EFCAB13: variants seen among roughly 807,000 people sequenced by gnomAD.
The protein encoded by EFCAB13 is EF-hand calcium binding domain 13.
In EFCAB13, 91 loss-of-function variants were observed where a neutral mutation model predicts 110.2. That is an observed-to-expected ratio of 0.83 (90% confidence interval 0.70 to 0.98). The LOEUF (loss-of-function observed/expected upper bound fraction) is 0.98, where lower values mean the gene tolerates loss of function less well. Among genes scored for constraint, EFCAB13 ranks in the 50% least tolerant of loss-of-function variants. EFCAB13 has a pLI of 0.00. For synonymous variants in EFCAB13, 323 were observed against 369.9 expected (o/e 0.87, Z 1.45); for missense variants, 968 against 1,119.4 (o/e 0.86, Z 1.93).
chr17:47,417,073 C>T (rs143016892), intron 23 of EFCAB13, among the ~76,000 whole-genome samples: 23 of 152,258 alleles, frequency 1.5e-4, no homozygotes, highest in South Asian at 1.5e-3. Context: ...CATATCTTTA[C>T]GGCATATTTA....
intron 22 of EFCAB13, among the ~76,000 whole-genome samples, chr17:47,413,296 T>C (rs1356049358): frequency 1.3e-5 from 2 of 152,132 alleles, no homozygotes; most frequent in East Asian, 3.8e-4. Flanking sequence ...AAATAAAATG[T>C]GGGAGGGCTC....
intron 23 of EFCAB13, among the ~76,000 whole-genome samples, chr17:47,425,003 C>T (rs983981057): frequency 2.7e-5 from 4 of 145,590 alleles, no homozygotes; most frequent in Non-Finnish European, 6.0e-5. Context: ...CTGCCTCAGC[C>T]TCCCGAGTAG....
intron 23 of EFCAB13, among the ~76,000 whole-genome samples, chr17:47,423,821 C>G (rs1310109415): frequency 6.6e-6 from 1 of 152,082 alleles, no homozygotes; most frequent in African/African-American, 2.4e-5. Context: ...GCACCTTACC[C>G]TCCTGCTGAG....
chr17:47,423,029 G>C (rs1904774374), intron 23 of EFCAB13, among the ~76,000 whole-genome samples: 2 of 152,176 alleles, frequency 1.3e-5, no homozygotes, highest in Admixed American at 6.5e-5. Context: ...AGCACGGAAA[G>C]GATGGCCTTT....
chr17:47,383,275 CTCTT>C (rs1324953094), intron 14 of EFCAB13, among the ~76,000 whole-genome samples: 2 of 152,062 alleles, frequency 1.3e-5, no homozygotes, highest in Non-Finnish European at 2.9e-5. Flanking sequence ...ATGTCTCTAT[CTCTT>C]TCTGTTTTTC....
chr17:47,419,465 C>T (rs1266323124), intron 23 of EFCAB13, among the ~76,000 whole-genome samples: 2 of 152,084 alleles, frequency 1.3e-5, no homozygotes, highest in African/African-American at 4.8e-5. Context: ...TGACTGTAGT[C>T]CCAGCTACTC....
intron 16 of EFCAB13, among the ~76,000 whole-genome samples, chr17:47,394,665 G>A (rs1257149065): frequency 6.6e-6 from 1 of 152,048 alleles, no homozygotes; most frequent in Admixed American, 6.5e-5. Flanking sequence ...TAAAAATTGG[G>A]GCTGAAAGTA....
At chr17:47,396,460 T>G (rs868753980) in intron 17 of EFCAB13, among the ~76,000 whole-genome samples, 15 of 152,094 alleles carry the variant, frequency 9.9e-5, no homozygotes, top group African/African-American at 7.2e-5. Flanking sequence ...AAAAAAGTAT[T>G]GTATAACAAA....
chr17:47,358,584 C>T (rs2065493541), intron 9 of EFCAB13, among the ~76,000 whole-genome samples: 1 of 152,102 alleles, frequency 6.6e-6, no homozygotes, highest in Non-Finnish European at 1.5e-5. Context: ...ATGTATGTTA[C>T]AAATGTTTTC....
intron 11 of EFCAB13, among the ~76,000 whole-genome samples, chr17:47,373,884 T>C (rs2065599089): frequency 6.6e-6 from 1 of 152,164 alleles, no homozygotes; most frequent in Non-Finnish European, 1.5e-5. Context: ...TCAAATATTA[T>C]AACATTTGAA....
At chr17:47,347,778 C>T (rs3851808) in intron 8 of EFCAB13, 30 bp from the exon 9 acceptor site, 836,802 of 1,349,674 alleles carry the variant, frequency 0.62, 261,235 homozygotes, top group African/African-American at 0.73. Flanking sequence ...TTTTGATTAA[C>T]TAACTAAATG....
At chr17:47,397,220 G>A (rs1372115223) in intron 17 of EFCAB13, among the ~76,000 whole-genome samples, 1 of 152,184 alleles carries the variant, frequency 6.6e-6, no homozygotes, top group African/African-American at 2.4e-5. Flanking sequence ...CGCTGTGTTG[G>A]CCGGGCTGGT....
intron 23 of EFCAB13, among the ~76,000 whole-genome samples, chr17:47,416,423 TTCTC>T (rs1225405907): frequency 9.9e-5 from 15 of 152,204 alleles, no homozygotes; most frequent in Admixed American, 2.0e-4. Flanking sequence ...TATGCTTTCT[TTCTC>T]TTTTTTTCAA....
chr17:47,399,590 G>A (rs1263146054), intron 17 of EFCAB13, among the ~76,000 whole-genome samples: 2 of 151,444 alleles, frequency 1.3e-5, no homozygotes, highest in African/African-American at 4.9e-5. Context: ...ATATAAGAAA[G>A]AACTTAAAAT....
At chr17:47,361,862 C>T (rs1318447496) in intron 10 of EFCAB13, among the ~76,000 whole-genome samples, 1 of 152,084 alleles carries the variant, frequency 6.6e-6, no homozygotes, top group African/African-American at 2.4e-5. Flanking sequence ...AGTTAGAAGA[C>T]CTAAATTTCT....
At position 47,335,307 on chromosome 17, in the gene EFCAB13, A is replaced by G. The variant is rs1346787588; in HGVS notation, c.142A>G (p.Lys48Glu). ...CATCAAGTTTTCTAAAACAATAGAGAAGGAAATTTCACCGGAAATTAGGAG... is the reference window on the plus strand; with the variant it reads ...CATCAAGTTTTCTAAAACAATAGAGGAGGAAATTTCACCGGAAATTAGGAG... Reference protein sequence around the residue: ...KYIKFSKTIEKEISPEIRSLS... With the variant: ...KYIKFSKTIEEEISPEIRSLS... Residue 48 changes from lysine (K) to glutamate (E), a missense_variant, in exon 5 of 25, where the codon AAG (lysine) becomes GAG (glutamate). Lys to Glu is a moderately conservative substitution (Grantham distance 56). Transcript: ENST00000331493. 1.9e-6 allele frequency: 3 copies of G among 1,607,444 alleles called. No individual in the cohort carries two copies. The highest frequency in any genetic ancestry group is 2.5e-6 in the Non-Finnish European group (3 of 1,178,204).
At chr17:47,387,671 T>C (rs2065684127) in intron 14 of EFCAB13, among the ~76,000 whole-genome samples, 1 of 150,836 alleles carries the variant, frequency 6.6e-6, no homozygotes, top group African/African-American at 2.4e-5. Context: ...ACTAGTTCTT[T>C]ACTCTGTCCA....
chr17:47,414,607 G>A (rs1460207314), intron 22 of EFCAB13, among the ~76,000 whole-genome samples: 1 of 151,616 alleles, frequency 6.6e-6, no homozygotes, highest in Non-Finnish European at 1.5e-5. Context: ...CACCATAAAA[G>A]GGTTCCTAGT....
intron 23 of EFCAB13, among the ~76,000 whole-genome samples, chr17:47,416,731 A>G (rs1012161765): frequency 2.0e-5 from 3 of 152,320 alleles, no homozygotes; most frequent in South Asian, 4.1e-4. Context: ...AATGGCCTCC[A>G]GCTGCATCCA....
Sources: gnomAD v4.1 joint callset for allele counts (sites outside exome capture counted in the v4.1 genomes callset) on GRCh38, gnomAD v4.1.1 for gene constraint, MANE v1.5 for transcripts, NCBI Gene and HGNC (gene_info 2026-07-23, HGNC 2026-07-21) for gene names.